The following C6 variants were observed in gnomAD, a reference collection of about 807,000 sequenced individuals.
C6 encodes complement C6.
In C6, 101 loss-of-function variants were observed where a neutral mutation model predicts 112.9. The observed-to-expected ratio is 0.89, with a 90% CI of 0.76 to 1.06. C6 has a LOEUF of 1.06. Among genes scored for constraint, C6 ranks in the 50% least tolerant of loss-of-function variants. The pLI is 0.00. For synonymous variants in C6, 431 were observed against 384.1 expected, an observed-to-expected ratio of 1.12 and a Z score of -1.43; for missense variants, 1,202 against 1,104.6, an observed-to-expected ratio of 1.09 and a Z score of -1.25.
chr5:41,240,148 T>C (rs1433332508), intron 1 of C6, among the ~76,000 whole-genome samples: 1 of 152,184 alleles, frequency 6.6e-6, no homozygotes, highest in East Asian at 1.9e-4. Flanking sequence ...TTTTTAGCTA[T>C]TATTTTGTTA....
intron 15 of C6, among the ~76,000 whole-genome samples, chr5:41,152,291 G>A (rs1465485073): frequency 6.6e-6 from 1 of 152,058 alleles, no homozygotes; most frequent in Non-Finnish European, 1.5e-5. Flanking sequence ...GATGAAAATA[G>A]AGGGAGTGAC....
chr5:41,226,153 G>C (rs551212533), intron 1 of C6, among the ~76,000 whole-genome samples: 323 of 152,238 alleles, frequency 2.1e-3, no homozygotes, highest in African/African-American at 7.5e-3. Flanking sequence ...ACCATCATCA[G>C]AGTCAACAGG....
intron 8 of C6, among the ~76,000 whole-genome samples, chr5:41,174,380 C>A (rs1486316420): frequency 6.6e-6 from 1 of 152,210 alleles, no homozygotes; most frequent in Non-Finnish European, 1.5e-5. Flanking sequence ...CTTTAGCTAC[C>A]CTGATGCGTA....
At chr5:41,159,336 C>A (rs1172865073) in intron 11 of C6, 83 bp from the exon 12 acceptor site, 2 of 1,538,194 alleles carry the variant, frequency 1.3e-6, no homozygotes, top group Non-Finnish European at 1.8e-6. Flanking sequence ...GGTTTCCTCA[C>A]TTTTTAGCTC....
intron 9 of C6, among the ~76,000 whole-genome samples, chr5:41,166,693 G>A (rs1421355047): frequency 6.6e-6 from 1 of 152,144 alleles, no homozygotes; most frequent in African/African-American, 2.4e-5. Context: ...CTATGATGTT[G>A]TGAATGCAGG....
At chr5:41,199,470 T>TTAA (rs1750846788) in intron 4 of C6, among the ~76,000 whole-genome samples, 1 of 152,248 alleles carries the variant, frequency 6.6e-6, no homozygotes, top group African/African-American at 2.4e-5. Flanking sequence ...ACATGATATC[T>TTAA]TAATATTCTT....
intron 9 of C6, among the ~76,000 whole-genome samples, chr5:41,163,405 T>C (rs1488100287): frequency 6.6e-6 from 1 of 151,108 alleles, no homozygotes; most frequent in Non-Finnish European, 1.5e-5. Flanking sequence ...CTCTGCCTCC[T>C]GGGTTCAAGT....
intron 7 of C6, among the ~76,000 whole-genome samples, chr5:41,181,113 T>C (rs939972347): frequency 2.0e-5 from 3 of 151,620 alleles, no homozygotes; most frequent in Non-Finnish European, 2.9e-5. Context: ...TACAACAATA[T>C]GAAAAAAAAG....
At chr5:41,203,297 A>T (rs1580182787) in intron 1 of C6, 47 bp from the exon 2 acceptor site, 2 of 1,572,392 alleles carry the variant, frequency 1.3e-6, no homozygotes, top group East Asian at 2.2e-5. Context: ...TTTTTGAGGT[A>T]AACCTTCACA....
chr5:41,198,618 C>T (rs564830240), intron 4 of C6, among the ~76,000 whole-genome samples: 9 of 152,192 alleles, frequency 5.9e-5, no homozygotes, highest in East Asian at 1.9e-4. Context: ...GATGAACTGG[C>T]GATCAGCTGT....
At chr5:41,208,497 GAGA>G (rs1248613915) in intron 1 of C6, among the ~76,000 whole-genome samples, 1 of 152,068 alleles carries the variant, frequency 6.6e-6, no homozygotes, top group African/African-American at 2.4e-5. Context: ...GAAGAAAAGA[GAGA>G]AGAATGAAAT....
rs577591334 is a variant in C6, at chr5:41,169,462, AT to A, written c.1291+2762del. ...TGGGTTACATTACACTGGCAATTTTATACTTTTTACCACTTAGAAGAAATAG... is the reference window on the plus strand; with the variant it reads ...TGGGTTACATTACACTGGCAATTTTAACTTTTTACCACTTAGAAGAAATAG... On this transcript the variant is annotated intron_variant, in intron 9 of 17. Coordinates refer to ENST00000337836, the MANE Select transcript of C6 (RefSeq NM_000065.5). Among the ~76,000 whole-genome samples, 8 of 152,298 alleles carry A rather than the reference AT, an allele frequency of 5.3e-5. No homozygotes were observed. In the South Asian group the frequency reaches 8.3e-4, roughly 16 times the overall value.
At chr5:41,195,069 G>A (rs529963887) in intron 5 of C6, among the ~76,000 whole-genome samples, 16 of 152,246 alleles carry the variant, frequency 1.1e-4, no homozygotes, top group African/African-American at 2.9e-4. Context: ...TCTGGGACTC[G>A]TTTCTCAGTT....
intron 5 of C6, among the ~76,000 whole-genome samples, chr5:41,193,924 G>A (rs1750414137): frequency 6.6e-6 from 1 of 151,830 alleles, no homozygotes; most frequent in Non-Finnish European, 1.5e-5. Context: ...CTCTGGGGAG[G>A]CAAGGAGAGG....
At chr5:41,149,554 G>C (rs1746181544) in intron 16 of C6, 72 bp from the exon 17 acceptor site, 1 of 1,589,694 alleles carries the variant, frequency 6.3e-7, no homozygotes, top group South Asian at 1.1e-5. Context: ...AGCCAATGTA[G>C]TGTGTTCACT....
At chr5:41,227,640 A>C (rs1739606146) in intron 1 of C6, among the ~76,000 whole-genome samples, 1 of 152,032 alleles carries the variant, frequency 6.6e-6, no homozygotes, top group Admixed American at 6.6e-5. Context: ...TTTTCAGTTG[A>C]TTTTTGTATA....
At chr5:41,179,834 A>G (rs1361543089) in intron 7 of C6, among the ~76,000 whole-genome samples, 3 of 151,906 alleles carry the variant, frequency 2.0e-5, no homozygotes, top group Non-Finnish European at 4.4e-5. Context: ...AAAGAGTCAA[A>G]TATCTTGAAG....
At chr5:41,260,987 T>C (rs989854106) in intron 1 of C6, among the ~76,000 whole-genome samples, 1 of 152,186 alleles carries the variant, frequency 6.6e-6, no homozygotes, top group African/African-American at 2.4e-5. Flanking sequence ...GAAATCTCCA[T>C]TGACTTCACA....
chr5:41,162,024 G>A (rs978333899), intron 9 of C6, among the ~76,000 whole-genome samples, 165 bp from the exon 10 acceptor site: 18 of 152,198 alleles, frequency 1.2e-4, no homozygotes, highest in African/African-American at 4.3e-4. Flanking sequence ...CCTCCTCCCT[G>A]TAGGGAGTTT....
Sources: gnomAD v4.1 joint callset for allele counts (sites outside exome capture counted in the v4.1 genomes callset) on GRCh38, gnomAD v4.1.1 for gene constraint, MANE v1.5 for transcripts, NCBI Gene and HGNC (gene_info 2026-07-23, HGNC 2026-07-21) for gene names.